Variants in RPRD1B observed in about 807,000 individuals in gnomAD.
The protein encoded by RPRD1B is regulation of nuclear pre-mRNA domain-containing protein 1B.
Under a neutral mutation model 41.5 loss-of-function variants are expected in RPRD1B, and 11 were observed. That is an observed-to-expected ratio of 0.27 (90% CI 0.17 to 0.44). RPRD1B has a LOEUF of 0.44. RPRD1B is among the 20% of genes least tolerant of loss of function. The pLI, the probability that RPRD1B is intolerant of heterozygous loss-of-function variation, is 1.00. For synonymous variants in RPRD1B, 158 were observed against 155.6 expected (o/e 1.02, Z -0.12); for missense variants, 248 against 389.9 (o/e 0.64, Z 3.06).
At chr20:38,035,361 A>G (rs1344089449) in intron 1 of RPRD1B, among the ~76,000 whole-genome samples, 3 of 152,322 alleles carry the variant, frequency 2.0e-5, no homozygotes, top group South Asian at 2.1e-4. Context: ...CAAGTGTTCT[A>G]TACTATCTGT....
Position 38,091,242 on chromosome 20 carries a change from G to A in RPRD1B, c.*1367G>A, listed in dbSNP as rs2074609654. 3 of 985,602 alleles carry A rather than the reference G, an allele frequency of 3.0e-6. No individual in the cohort carries two copies. Among genetic ancestry groups the A allele is most frequent in the African/African-American group, 1.7e-5 (1 of 57,198 alleles). 61.1% of individuals were successfully genotyped at this position (985,602 alleles called of 1,614,324 possible). On this transcript the variant is annotated 3_prime_UTR_variant, in exon 7 of 7. Coordinates refer to ENST00000373433, the MANE Select transcript of RPRD1B (RefSeq NM_021215.4). ...TATATAAAAAGGAATTCAGTGGAGGGGGCTTTGTAATCTCCATTAATTTGT... is the reference window on the plus strand; with the variant it reads ...TATATAAAAAGGAATTCAGTGGAGGAGGCTTTGTAATCTCCATTAATTTGT...
chr20:38,068,407 T>C (rs1222593043), intron 6 of RPRD1B, among the ~76,000 whole-genome samples: 3 of 152,196 alleles, frequency 2.0e-5, no homozygotes, highest in African/African-American at 7.2e-5. Context: ...TAAGGTTTTT[T>C]TCTGAGATGG....
chr20:38,066,726 G>T (rs551939782), intron 6 of RPRD1B, among the ~76,000 whole-genome samples: 5 of 152,258 alleles, frequency 3.3e-5, no homozygotes, highest in Admixed American at 6.5e-5. Flanking sequence ...TGCGATCTCG[G>T]CTCACTGCAA....
chr20:38,074,036 T>C (rs2074436602), intron 6 of RPRD1B, among the ~76,000 whole-genome samples: 1 of 152,390 alleles, frequency 6.6e-6, no homozygotes, highest in Non-Finnish European at 1.5e-5. Context: ...CAGGTCATTC[T>C]GTTGCCAAGT....
chr20:38,049,367 C>CTTTTTTTTTTTTT (rs11481142), intron 3 of RPRD1B, among the ~76,000 whole-genome samples: 132 of 93,414 alleles, frequency 1.4e-3, no homozygotes, highest in African/African-American at 1.6e-3. Context: ...TTCTTTTTTT[C>CTTTTTTTTTTTTT]TTTTTTTTTT....
At chr20:38,055,398 A>C (rs2122718400) in intron 3 of RPRD1B, among the ~76,000 whole-genome samples, 1 of 151,008 alleles carries the variant, frequency 6.6e-6, no homozygotes, top group Admixed American at 6.6e-5. Flanking sequence ...CCAACATTTT[A>C]TCTTTTATGC....
At chr20:38,073,373 G>T (rs954526970) in intron 6 of RPRD1B, among the ~76,000 whole-genome samples, 3 of 152,132 alleles carry the variant, frequency 2.0e-5, no homozygotes, top group African/African-American at 7.2e-5. Flanking sequence ...TCCTCGCTTG[G>T]CACCTCCCCC....
At chr20:38,084,884 C>T (rs574778973) in intron 6 of RPRD1B, among the ~76,000 whole-genome samples, 2 of 152,288 alleles carry the variant, frequency 1.3e-5, no homozygotes, top group African/African-American at 2.4e-5. Flanking sequence ...GGCAGTTTCT[C>T]GAAGGTGCCT....
chr20:38,075,011 G>A (rs893805162), intron 6 of RPRD1B, among the ~76,000 whole-genome samples: 1 of 152,088 alleles, frequency 6.6e-6, no homozygotes, highest in African/African-American at 2.4e-5. Flanking sequence ...GAATACCTGT[G>A]GTTGGATAGT....
intron 6 of RPRD1B, among the ~76,000 whole-genome samples, chr20:38,074,758 T>C (rs2074443263): frequency 1.3e-5 from 2 of 152,260 alleles, no homozygotes; most frequent in Admixed American, 1.3e-4. Context: ...GTTTTTGTTT[T>C]TGTTTTCTTT....
chr20:38,050,820 T>C (rs1044255503), intron 3 of RPRD1B, among the ~76,000 whole-genome samples: 1 of 152,226 alleles, frequency 6.6e-6, no homozygotes, highest in Non-Finnish European at 1.5e-5. Flanking sequence ...TTTCTCTTTC[T>C]CTATTCTATA....
intron 6 of RPRD1B, among the ~76,000 whole-genome samples, chr20:38,084,604 C>T (rs546838195): frequency 5.9e-5 from 9 of 152,292 alleles, no homozygotes; most frequent in East Asian, 1.9e-4. Flanking sequence ...TGGCTTACTT[C>T]TCTAACCAAA....
Position 38,092,304 on chromosome 20 carries a change from A to C in RPRD1B, c.*2429A>C. ...AGTATAGGCTGTCGTTGGCGGCAGCAGTATATTCTGAAATGTCTCATAGAT... is the reference window on the plus strand; with the variant it reads ...AGTATAGGCTGTCGTTGGCGGCAGCCGTATATTCTGAAATGTCTCATAGAT... On this transcript the variant is annotated 3_prime_UTR_variant, in exon 7 of 7. Coordinates refer to ENST00000373433, the MANE Select transcript of RPRD1B (RefSeq NM_021215.4). 1 of 984,880 alleles carries C rather than the reference A, an allele frequency of 1.0e-6. No individual in the cohort carries two copies. Among genetic ancestry groups the C allele is most frequent in the East Asian group, 1.1e-4 (1 of 8,816 alleles). The allele number at this position is 984,880 out of a possible 1,614,324, so 61.0% of individuals were successfully genotyped here.
chr20:38,035,272 A>T (rs1040895035), intron 1 of RPRD1B, among the ~76,000 whole-genome samples: 1 of 152,214 alleles, frequency 6.6e-6, no homozygotes, highest in Non-Finnish European at 1.5e-5. Flanking sequence ...GAGTTTCATA[A>T]TGGAAGACTG....
chr20:38,035,895 G>C (rs1018455839), intron 1 of RPRD1B, among the ~76,000 whole-genome samples: 7 of 151,870 alleles, frequency 4.6e-5, no homozygotes, highest in Non-Finnish European at 1.0e-4. Context: ...CTCCCGAGTA[G>C]CTGGAACTAC....
At chr20:38,088,479 T>C (rs1436594184) in intron 6 of RPRD1B, among the ~76,000 whole-genome samples, 1 of 152,192 alleles carries the variant, frequency 6.6e-6, no homozygotes, top group Non-Finnish European at 1.5e-5. Context: ...GGGCTTCTTG[T>C]TACATTCCTG....
At chr20:38,088,308 T>G (rs913186136) in intron 6 of RPRD1B, among the ~76,000 whole-genome samples, 1 of 152,218 alleles carries the variant, frequency 6.6e-6, no homozygotes, top group African/African-American at 2.4e-5. Flanking sequence ...CCTCTTCAGG[T>G]GTGCATCAGG....
At chr20:38,051,214 A>C (rs1407478327) in intron 3 of RPRD1B, among the ~76,000 whole-genome samples, 2 of 152,208 alleles carry the variant, frequency 1.3e-5, no homozygotes, top group Non-Finnish European at 2.9e-5. Flanking sequence ...TACCCTATAA[A>C]TATATACAAT....
At position 38,047,378 on chromosome 20, in the gene RPRD1B, G is replaced by C. The variant is rs544416837; in HGVS notation, c.282-970G>C. Reference sequence around the variant, plus strand: ...TATGAAAGCGTTGTCATGGTCGGGTGTGAATAGAGTTCCCATCTCAGTTGA... The same window carrying C: ...TATGAAAGCGTTGTCATGGTCGGGTCTGAATAGAGTTCCCATCTCAGTTGA... On this transcript the variant is annotated intron_variant, in intron 2 of 6. Transcript: ENST00000373433. Among the ~76,000 whole-genome samples, 44 of 152,328 alleles carry C rather than the reference G, an allele frequency of 2.9e-4. 1 individual carries two copies. In the South Asian group the frequency reaches 8.3e-3, roughly 29 times the overall value.
Sources: allele counts gnomAD v4.1 joint callset (sites outside exome capture counted in the v4.1 genomes callset), GRCh38; gene constraint gnomAD v4.1.1; transcripts MANE v1.5; gene names NCBI Gene and HGNC (gene_info 2026-07-23, HGNC 2026-07-21).